Variants in RALYL observed in about 807,000 individuals in gnomAD.
RALYL encodes RNA-binding Raly-like protein.
Under a neutral mutation model 35.1 loss-of-function variants are expected in RALYL, and 29 were observed. The ratio of observed to expected loss-of-function variants is 0.83; its 90% CI spans 0.61 to 1.13. The LOEUF (loss-of-function observed/expected upper bound fraction) is 1.13, where lower values mean the gene tolerates loss of function less well. Ranked by LOEUF, RALYL falls within the 50% of genes most tolerant of loss-of-function variation. RALYL has a pLI of 0.00. For synonymous variants in RALYL, 120 were observed against 127.6 expected (o/e 0.94, Z 0.40); for missense variants, 359 against 360.4 (o/e 1.00, Z 0.03).
chr8:84,679,692 A>G, intron 2 of RALYL: 1 of 509,322 alleles, frequency 2.0e-6, no homozygotes, highest in African/African-American at 2.0e-5. Flanking sequence ...CTAATTCATC[A>G]GTTGGATGGC....
intron 4 of RALYL, among the ~76,000 whole-genome samples, chr8:84,832,763 A>G (rs1831177581): frequency 6.6e-6 from 1 of 152,188 alleles, no homozygotes; most frequent in African/African-American, 2.4e-5. Context: ...TCTTCTCTAA[A>G]AAGAATCCCC....
At chr8:84,407,026 A>C (rs2403008) in intron 1 of RALYL, among the ~76,000 whole-genome samples, 25,509 of 146,982 alleles carry the variant, frequency 0.17, 2,486 homozygotes, top group South Asian at 0.32. Flanking sequence ...CTCTATATAT[A>C]TATATATATA....
At chr8:84,415,539 A>G (rs1225631669) in intron 1 of RALYL, among the ~76,000 whole-genome samples, 2 of 108,098 alleles carry the variant, frequency 1.9e-5, no homozygotes, top group Non-Finnish European at 4.1e-5. Flanking sequence ...CGCCCGGCCG[A>G]CACTCTTGTT....
chr8:84,535,399 C>A (rs529294150), intron 2 of RALYL, among the ~76,000 whole-genome samples: 1 of 150,642 alleles, frequency 6.6e-6, no homozygotes, highest in Non-Finnish European at 1.5e-5. Flanking sequence ...GTTTGTGGAG[C>A]CTGTCCTGTG....
intron 8 of RALYL, among the ~76,000 whole-genome samples, chr8:84,913,695 C>T (rs1228904114): frequency 3.3e-5 from 5 of 151,820 alleles, no homozygotes; most frequent in Non-Finnish European, 5.9e-5. Flanking sequence ...GAAGGTACTA[C>T]AAGACTCTGA....
chr8:84,381,247 A>G (rs997783657), intron 1 of RALYL, among the ~76,000 whole-genome samples: 3 of 151,882 alleles, frequency 2.0e-5, no homozygotes, highest in African/African-American at 7.2e-5. Flanking sequence ...AAATTCTACG[A>G]TTTTAAAGTT....
At chr8:84,296,426 A>C (rs139328920) in intron 1 of RALYL, among the ~76,000 whole-genome samples, 5 of 152,032 alleles carry the variant, frequency 3.3e-5, no homozygotes, top group Non-Finnish European at 5.9e-5. Flanking sequence ...CCCAGGACAC[A>C]TCTTTCCTAG....
intron 1 of RALYL, among the ~76,000 whole-genome samples, chr8:84,418,549 A>G (rs2045024983): frequency 1.3e-5 from 2 of 152,144 alleles, no homozygotes; most frequent in African/African-American, 2.4e-5. Context: ...TATTTAAGAC[A>G]TGAACAACAC....
rs532871607 is a variant in RALYL, at chr8:84,386,951, G to C, written c.-23-142348G>C. 5.3e-5 allele frequency among the ~76,000 whole-genome samples: 8 copies of C among 151,968 alleles called. No homozygotes were observed. The East Asian group carries it at 1.4e-3, about 26-fold the overall frequency. ...GCCAGTGTCATCAGAGTTGGCTTCA[G>C]ATGGTGTCTTGTGAAATCTCTTTTA... On this transcript the variant is annotated intron_variant, in intron 1 of 8. Transcript: ENST00000521268.
chr8:84,619,990 AG>A (rs1275576847), intron 2 of RALYL, among the ~76,000 whole-genome samples: 3 of 151,508 alleles, frequency 2.0e-5, no homozygotes, highest in African/African-American at 7.3e-5. Flanking sequence ...CTTCCCTTTG[AG>A]GGTAACCCGA....
chr8:84,589,090 G>A (rs948698567), intron 2 of RALYL, among the ~76,000 whole-genome samples: 1 of 151,976 alleles, frequency 6.6e-6, no homozygotes, highest in Non-Finnish European at 1.5e-5. Context: ...TAGAGATGGG[G>A]TTTCACCATG....
intron 1 of RALYL, among the ~76,000 whole-genome samples, chr8:84,413,250 T>C (rs1406210635): frequency 1.3e-5 from 2 of 151,530 alleles, no homozygotes; most frequent in Non-Finnish European, 3.0e-5. Flanking sequence ...CTAGGAACTT[T>C]TTAAAGCTTT....
chr8:84,868,441 C>A (rs778013325), intron 6 of RALYL, among the ~76,000 whole-genome samples: 2 of 152,170 alleles, frequency 1.3e-5, no homozygotes, highest in Admixed American at 1.3e-4. Context: ...AACTCTCCTG[C>A]CTCAGCCTCC....
At chr8:84,747,173 T>C (rs1243124185) in intron 2 of RALYL, among the ~76,000 whole-genome samples, 1 of 151,890 alleles carries the variant, frequency 6.6e-6, no homozygotes, top group African/African-American at 2.4e-5. Flanking sequence ...GGAGTATGTT[T>C]AAACAGAAGG....
intron 1 of RALYL, among the ~76,000 whole-genome samples, chr8:84,485,023 G>A (rs7845599): frequency 6.6e-6 from 1 of 151,736 alleles, no homozygotes; most frequent in Non-Finnish European, 1.5e-5. Flanking sequence ...CTTCCCCTAC[G>A]GTACTTATAC....
chr8:84,777,769 G>A (rs1222840106), intron 3 of RALYL, among the ~76,000 whole-genome samples: 4 of 152,096 alleles, frequency 2.6e-5, no homozygotes, highest in African/African-American at 4.8e-5. Flanking sequence ...AGCCTCCCGA[G>A]TAGCTGGGAC....
chr8:84,209,392 A>G (rs903292546), intron 1 of RALYL, among the ~76,000 whole-genome samples: 1 of 152,162 alleles, frequency 6.6e-6, no homozygotes, highest in Admixed American at 6.6e-5. Flanking sequence ...TTAGAATCAG[A>G]CATATCTAGA....
intron 4 of RALYL, among the ~76,000 whole-genome samples, chr8:84,827,098 A>T (rs1245386213): frequency 6.6e-6 from 1 of 152,122 alleles, no homozygotes; most frequent in Non-Finnish European, 1.5e-5. Context: ...GAAATGAAAA[A>T]TTTAATAAAA....
At chr8:84,216,491 A>C (rs1186054490) in intron 1 of RALYL, among the ~76,000 whole-genome samples, 1 of 152,122 alleles carries the variant, frequency 6.6e-6, no homozygotes, top group Non-Finnish European at 1.5e-5. Flanking sequence ...TAGTTAGTAA[A>C]ATATTTACTA....
Sources: allele counts gnomAD v4.1 joint callset (sites outside exome capture counted in the v4.1 genomes callset), GRCh38; gene constraint gnomAD v4.1.1; transcripts MANE v1.5; gene names NCBI Gene and HGNC (gene_info 2026-07-23, HGNC 2026-07-21).